The following LRRC3B variants were observed in gnomAD, a reference collection of about 807,000 sequenced individuals.
LRRC3B encodes leucine-rich repeat-containing protein 3B.
LRRC3B carries 2 observed loss-of-function variants against 12.8 expected under a neutral mutation model. The ratio of observed to expected loss-of-function variants is 0.16; its 90% confidence interval spans 0.06 to 0.49. LRRC3B has a LOEUF of 0.49. Among genes scored for constraint, LRRC3B ranks in the 20% least tolerant of loss-of-function variants. The probability of loss-of-function intolerance (pLI) is 0.96; values close to 1 mark genes in which losing one functional copy is unlikely to be tolerated. For synonymous variants in LRRC3B, 132 were observed against 122.0 expected, an observed-to-expected ratio of 1.08 and a Z score of -0.54; for missense variants, 189 against 319.4, an observed-to-expected ratio of 0.59 and a Z score of 3.11.
chr3:26,658,762 A>G (rs1477890548), intron 1 of LRRC3B, among the ~76,000 whole-genome samples: 1 of 152,250 alleles, frequency 6.6e-6, no homozygotes, highest in Non-Finnish European at 1.5e-5. Context: ...TGCCACCTCT[A>G]GGTCATTGTG....
rs190668774 is a variant in LRRC3B, at chr3:26,641,338, G to T, written c.-161+18101G>T. On this transcript the variant is annotated intron_variant, in intron 1 of 1. Coordinates refer to ENST00000396641, the Ensembl canonical transcript of LRRC3B. The stretch of plus-strand genomic sequence containing the variant: ...TGGAGACCCAGGGGGATGTGGAAGA[G>T]CTGTGGGCCCACCTGTGCTCTCCCT... 2.2e-3 allele frequency among the ~76,000 whole-genome samples: 329 copies of T among 152,326 alleles called. 1 individual carries two copies. The highest frequency in any genetic ancestry group is 6.1e-3 in the African/African-American group (254 of 41,580).
intron 1 of LRRC3B, among the ~76,000 whole-genome samples, chr3:26,669,946 T>G (rs1032566053): frequency 1.3e-5 from 2 of 152,194 alleles, no homozygotes; most frequent in African/African-American, 4.8e-5. Context: ...CATTCCAATG[T>G]TCATCACATT....
At chr3:26,675,661 A>G (rs1336754581) in intron 1 of LRRC3B, among the ~76,000 whole-genome samples, 1 of 152,216 alleles carries the variant, frequency 6.6e-6, no homozygotes, top group African/African-American at 2.4e-5. Flanking sequence ...TTGAATATAT[A>G]TGCATATATT....
At chr3:26,661,642 A>G (rs1180563338) in intron 1 of LRRC3B, among the ~76,000 whole-genome samples, 2 of 152,196 alleles carry the variant, frequency 1.3e-5, no homozygotes, top group South Asian at 4.1e-4. Context: ...ATAGAATAAA[A>G]CACTTATGTC....
At chr3:26,689,077 T>G (rs1700141428) in intron 1 of LRRC3B, among the ~76,000 whole-genome samples, 1 of 152,180 alleles carries the variant, frequency 6.6e-6, no homozygotes, top group Admixed American at 6.5e-5. Flanking sequence ...ACCTGCGATG[T>G]TTCCTAGACT....
chr3:26,629,537 C>A (rs746768058), intron 1 of LRRC3B, among the ~76,000 whole-genome samples: 2 of 152,236 alleles, frequency 1.3e-5, no homozygotes, highest in African/African-American at 4.8e-5. Flanking sequence ...AAGCAGTATG[C>A]TTTCCCTATG....
At position 26,671,369 on chromosome 3, in the gene LRRC3B, T is replaced by TAGAG. The variant is rs773929815; in HGVS notation, c.-160-38143_-160-38142insGAGA. 5.5e-3 allele frequency among the ~76,000 whole-genome samples: 208 copies of TAGAG among 38,148 alleles called. 2 individuals carry two copies. Among genetic ancestry groups the TAGAG allele is most frequent in the East Asian group, 0.023 (15 of 652 alleles). 25.0% of individuals were successfully genotyped at this position (38,148 alleles called of 152,430 possible). On this transcript the variant is annotated intron_variant, in intron 1 of 1. Coordinates refer to ENST00000396641, the Ensembl canonical transcript of LRRC3B. ...ATGTGTGTATATATATATATATATA[T>TAGAG]ATATAGAGAGAGAGAGAGAGAGAGA...
rs1490874990 is a variant in LRRC3B, at chr3:26,685,519, CTCTCTATATATATATATATA to C, written c.-160-23992_-160-23973del. On this transcript the variant is annotated intron_variant, in intron 1 of 1. Transcript: ENST00000396641. The stretch of plus-strand genomic sequence containing the variant: ...TCTCTCTCTCTCTCTCTCTCTCTCT[CTCTCTATATATATATATATA>C]TATATATATATATATATATTCACAT... 1.7e-3 allele frequency among the ~76,000 whole-genome samples: 81 copies of C among 47,772 alleles called. 2 individuals are homozygous for C. The highest frequency in any genetic ancestry group is 5.7e-3 in the African/African-American group (60 of 10,524). 31.3% of individuals were successfully genotyped at this position (47,772 alleles called of 152,430 possible).
chr3:26,636,660 T>A (rs942327934), intron 1 of LRRC3B, among the ~76,000 whole-genome samples: 2 of 152,160 alleles, frequency 1.3e-5, no homozygotes, highest in African/African-American at 4.8e-5. Flanking sequence ...GTGTTGTTTT[T>A]ATGCCAGGGG....
intron 1 of LRRC3B, among the ~76,000 whole-genome samples, chr3:26,670,491 C>G (rs550477882): frequency 6.6e-6 from 1 of 152,184 alleles, no homozygotes; most frequent in South Asian, 2.1e-4. Flanking sequence ...TTCTGAGCAC[C>G]GGGTTTTTTA....
intron 1 of LRRC3B, among the ~76,000 whole-genome samples, chr3:26,653,350 AT>A (rs57141158): frequency 0.14 from 21,835 of 151,784 alleles, 1,676 homozygotes; most frequent in South Asian, 0.22. Context: ...AATTTCTGTC[AT>A]TTTTTTTACA....
intron 1 of LRRC3B, among the ~76,000 whole-genome samples, chr3:26,654,611 C>G (rs748826649): frequency 6.6e-6 from 1 of 152,072 alleles, no homozygotes; most frequent in Non-Finnish European, 1.5e-5. Context: ...ACAGCATAAG[C>G]AAAAACAGAG....
intron 1 of LRRC3B, among the ~76,000 whole-genome samples, chr3:26,666,755 G>C (rs1266077995): frequency 6.6e-6 from 1 of 152,052 alleles, no homozygotes; most frequent in East Asian, 1.9e-4. Context: ...TCCCACTAAT[G>C]TGCTTTTCTT....
chr3:26,709,828 T>A, exon 2 of LRRC3B: 2 of 1,614,182 alleles, frequency 1.2e-6, no homozygotes, highest in Non-Finnish European at 1.7e-6. Context: ...CCTGTAGCAA[T>A]GCAAATCTCA....
chr3:26,643,691 T>A (rs556264769), intron 1 of LRRC3B, among the ~76,000 whole-genome samples: 1 of 152,274 alleles, frequency 6.6e-6, no homozygotes, highest in African/African-American at 2.4e-5. Context: ...TTTGGCTGAG[T>A]AGCATTTTCC....
At chr3:26,680,546 A>G (rs1223239225) in intron 1 of LRRC3B, among the ~76,000 whole-genome samples, 2 of 152,220 alleles carry the variant, frequency 1.3e-5, no homozygotes, top group Non-Finnish European at 2.9e-5. Context: ...GAAGTGTCAC[A>G]CGTATTACAC....
At chr3:26,683,278 A>T (rs1395262230) in intron 1 of LRRC3B, among the ~76,000 whole-genome samples, 1 of 152,222 alleles carries the variant, frequency 6.6e-6, no homozygotes, top group Non-Finnish European at 1.5e-5. Flanking sequence ...ACTACATTAT[A>T]GGACCACTTT....
Position 26,671,373 on chromosome 3 carries a change from T to TATAGAGAGAGAGAGAGAGAGAGAG in LRRC3B, c.-160-38139_-160-38138insTAGAGAGAGAGAGAGAGAGAGAGA, listed in dbSNP as rs1261897533. 1.0e-3 allele frequency among the ~76,000 whole-genome samples: 29 copies of TATAGAGAGAGAGAGAGAGAGAGAG among 28,246 alleles called. 1 individual carries two copies. Among genetic ancestry groups the TATAGAGAGAGAGAGAGAGAGAGAG allele is most frequent in the Middle Eastern group, 0.056 (1 of 18 alleles). The allele number at this position is 28,246 out of a possible 152,430, so 18.5% of individuals were successfully genotyped here. A position where few individuals can be genotyped will look rare whatever the true frequency, so the allele number is the denominator to read the frequency against. On this transcript the variant is annotated intron_variant, in intron 1 of 1. Coordinates refer to ENST00000396641, the Ensembl canonical transcript of LRRC3B. ...GTGTATATATATATATATATATATA[T>TATAGAGAGAGAGAGAGAGAGAGAG]AGAGAGAGAGAGAGAGAGAGAGAGA...
chr3:26,657,084 A>G (rs778266893), intron 1 of LRRC3B, among the ~76,000 whole-genome samples: 8 of 152,220 alleles, frequency 5.3e-5, no homozygotes, highest in Non-Finnish European at 1.2e-4. Context: ...TACAGTTTTT[A>G]AAAATGATTA....
Sources: allele counts gnomAD v4.1 joint callset (sites outside exome capture counted in the v4.1 genomes callset), GRCh38; gene constraint gnomAD v4.1.1; transcripts MANE v1.5; gene names NCBI Gene and HGNC (gene_info 2026-07-23, HGNC 2026-07-21).